The following MRPS27 variants were observed in gnomAD, a reference collection of about 807,000 sequenced individuals.
MRPS27 encodes small ribosomal subunit protein mS27.
MRPS27 carries 43 observed loss-of-function variants against 48.9 expected under a neutral mutation model. That is an observed-to-expected ratio of 0.88 (90% CI 0.69 to 1.13). The LOEUF (loss-of-function observed/expected upper bound fraction) is 1.13, where lower values mean the gene tolerates loss of function less well. Ranked by LOEUF, MRPS27 falls within the 50% of genes most tolerant of loss-of-function variation. The probability of loss-of-function intolerance (pLI) is 0.00; values close to 1 mark genes in which losing one functional copy is unlikely to be tolerated. For missense variants in MRPS27, 467 were observed against 476.3 expected (o/e 0.98, Z 0.18); for synonymous variants, 188 against 171.9 (o/e 1.09, Z -0.73).
chr5:72,298,662 C>A (rs1224048093), intron 2 of MRPS27, among the ~76,000 whole-genome samples: 2 of 145,262 alleles, frequency 1.4e-5, no homozygotes, highest in African/African-American at 2.6e-5. Flanking sequence ...GCCGAGATTG[C>A]GCCACTGCAG....
At chr5:72,297,234 G>A (rs956416670) in intron 3 of MRPS27, among the ~76,000 whole-genome samples, 5 of 152,128 alleles carry the variant, frequency 3.3e-5, no homozygotes, top group African/African-American at 1.2e-4. Context: ...CTCTGCTGCA[G>A]TTTAACTTTA....
chr5:72,308,223 A>AG (rs1750331992), intron 2 of MRPS27, among the ~76,000 whole-genome samples: 1 of 152,048 alleles, frequency 6.6e-6, no homozygotes, highest in Non-Finnish European at 1.5e-5. Context: ...GGACGAAGAG[A>AG]GGGGGCACCG....
At chr5:72,268,763 G>T (rs978430743) in intron 4 of MRPS27, among the ~76,000 whole-genome samples, 2 of 152,174 alleles carry the variant, frequency 1.3e-5, no homozygotes, top group Non-Finnish European at 2.9e-5. Context: ...TGATAAAAAT[G>T]AGATGACAAT....
intron 1 of MRPS27, among the ~76,000 whole-genome samples, chr5:72,316,488 C>T (rs1345170185): frequency 6.6e-6 from 1 of 152,090 alleles, no homozygotes; most frequent in Admixed American, 6.5e-5. Context: ...CTGCCTCAGC[C>T]TCCAGAGTAG....
Position 72,219,613 on chromosome 5 carries a change from C to T in MRPS27, c.*1296G>A, listed in dbSNP as rs1320640564. 1 of 152,174 alleles carries T rather than the reference C, an allele frequency of 6.6e-6. No homozygotes were observed. Among genetic ancestry groups the T allele is most frequent in the Non-Finnish European group, 1.5e-5 (1 of 68,040 alleles). 9.4% of individuals were successfully genotyped at this position (152,174 alleles called of 1,614,324 possible). A position where few individuals can be genotyped will look rare whatever the true frequency, so the allele number is the denominator to read the frequency against. ...TACACCACTGTACTTAAGGGCAACA[C>T]TACATAGTAAGCAAAATCTGCTCTG... On this transcript the variant is annotated 3_prime_UTR_variant, in exon 11 of 11. Coordinates refer to ENST00000261413, the MANE Select transcript of MRPS27 (RefSeq NM_015084.3).
In MRPS27 at chr5:72,320,203, G is replaced by C. The variant is rs1346394739; in HGVS notation, c.19C>G (p.Arg7Gly). MAASIVRRGMLLARQVV... is the reference protein window; with the variant it reads MAASIVGRGMLLARQVV... ...TGCCGCGCCAGGAGCATCCCGCGCC[G>C]CACTATGGAGGCAGCCATCTTGGAG... The change falls in exon 1 of 11, where the codon CGG becomes GGG. Residue 7 changes from arginine to glycine, a missense_variant. By Grantham distance (125) the Arg-to-Gly change is moderately radical. Coordinates refer to ENST00000261413, the MANE Select transcript of MRPS27 (RefSeq NM_015084.3). 2.5e-6 allele frequency: 4 copies of C among 1,613,906 alleles called. No homozygotes were observed. In the East Asian group the frequency reaches 8.9e-5, roughly 36 times the overall value.
intron 4 of MRPS27, chr5:72,295,204 A>G (rs968711290): frequency 5.8e-6 from 1 of 172,888 alleles, no homozygotes; most frequent in Non-Finnish European, 1.2e-5. Flanking sequence ...ATTTGTCAAT[A>G]GCGATTAAAA....
chr5:72,248,669 TAAAAA>T (rs36063387), intron 4 of MRPS27, among the ~76,000 whole-genome samples: 7 of 70,296 alleles, frequency 1.0e-4, no homozygotes, highest in East Asian at 9.6e-4. Context: ...CATTTTCATT[TAAAAA>T]AAAAAAAAAA....
chr5:72,283,594 C>T (rs1002072092), intron 4 of MRPS27, among the ~76,000 whole-genome samples: 3 of 152,192 alleles, frequency 2.0e-5, no homozygotes, highest in East Asian at 1.9e-4. Flanking sequence ...AGTGCCAATA[C>T]ACCAGGAAGA....
intron 6 of MRPS27, among the ~76,000 whole-genome samples, chr5:72,233,723 T>C (rs887459744): frequency 2.0e-5 from 3 of 152,060 alleles, no homozygotes; most frequent in Non-Finnish European, 2.9e-5. Flanking sequence ...AGTAATATTT[T>C]AAAAGAGCAT....
intron 4 of MRPS27, among the ~76,000 whole-genome samples, chr5:72,244,652 C>T (rs998287032): frequency 1.3e-5 from 2 of 151,996 alleles, no homozygotes; most frequent in African/African-American, 4.8e-5. Flanking sequence ...TCTTTACCCA[C>T]TGATCTACTA....
At position 72,228,529 on chromosome 5, in the gene MRPS27, G is replaced by A. The variant is rs544384407; in HGVS notation, c.592-161C>T. On this transcript the variant is annotated intron_variant, in intron 7 of 10. Transcript: ENST00000261413. ...TATAATCCTAATTTTGGGATTAAAA[G>A]GTACTTACGTCAAAGAAAAATATAG... The A allele has an allele frequency of 8.6e-5, 40 of 464,836 alleles. No homozygotes were observed. The East Asian group carries it at 1.3e-3, about 15-fold the overall frequency. 28.8% of individuals were successfully genotyped at this position (464,836 alleles called of 1,614,324 possible).
intron 2 of MRPS27, among the ~76,000 whole-genome samples, chr5:72,298,825 C>T (rs1368896164): frequency 1.3e-5 from 2 of 151,826 alleles, no homozygotes; most frequent in African/African-American, 4.8e-5. Context: ...CATATGCACT[C>T]GATGTTCACC....
rs750900205 is a variant in MRPS27, at chr5:72,220,943, T to C, written c.1211A>G (p.Tyr404Cys). The change falls in exon 11 of 11, where the codon TAC becomes TGC. Residue 404 changes from tyrosine (Y) to cysteine (C), a missense_variant. Physicochemically the swap from Tyr to Cys is radical, Grantham distance 194. Transcript: ENST00000261413. ...TGCCTTTGCTGCTTTCTGAGCCTGG[T>C]ACTCCTGCTTCGCTTGCTCCCTCTG... is the stretch of plus-strand genomic sequence containing the variant. ...QQQREQAKQE[Y>C]QAQKAAKASA 1.2e-5 allele frequency: 19 copies of C among 1,614,084 alleles called. No homozygotes were observed. Among genetic ancestry groups the C allele is most frequent in the Admixed American group, 8.3e-5 (5 of 60,006 alleles).
intron 4 of MRPS27, among the ~76,000 whole-genome samples, chr5:72,244,051 A>C (rs903308843): frequency 2.6e-5 from 4 of 152,176 alleles, no homozygotes; most frequent in Non-Finnish European, 5.9e-5. Flanking sequence ...AAACCACCAC[A>C]ATATCATCTA....
intron 2 of MRPS27, among the ~76,000 whole-genome samples, chr5:72,303,710 A>C (rs979333533): frequency 6.6e-6 from 1 of 152,038 alleles, no homozygotes; most frequent in African/African-American, 2.4e-5. Flanking sequence ...TGCAAGTATA[A>C]ACTATCAACC....
intron 9 of MRPS27, among the ~76,000 whole-genome samples, chr5:72,225,375 T>C (rs570161345): frequency 3.3e-5 from 5 of 152,178 alleles, no homozygotes; most frequent in African/African-American, 1.2e-4. Flanking sequence ...AATGTCCTTC[T>C]CAGGACTCAC....
At chr5:72,285,386 T>C (rs1017508224) in intron 4 of MRPS27, among the ~76,000 whole-genome samples, 3 of 152,218 alleles carry the variant, frequency 2.0e-5, no homozygotes, top group Admixed American at 2.0e-4. Context: ...TCAAAACATG[T>C]TTTCTCTAAA....
intron 4 of MRPS27, among the ~76,000 whole-genome samples, chr5:72,252,726 G>C (rs891025017): frequency 2.0e-5 from 3 of 152,168 alleles, no homozygotes; most frequent in Non-Finnish European, 4.4e-5. Flanking sequence ...ATTTGGCATA[G>C]CAGGAAATTC....
Sources: gnomAD v4.1 joint callset for allele counts (sites outside exome capture counted in the v4.1 genomes callset) on GRCh38, gnomAD v4.1.1 for gene constraint, MANE v1.5 for transcripts, NCBI Gene and HGNC (gene_info 2026-07-23, HGNC 2026-07-21) for gene names.